The following GFRAL variants were observed in gnomAD, a reference collection of about 807,000 sequenced individuals.
GFRAL encodes GDNF family receptor alpha like.
GFRAL carries 36 observed loss-of-function variants against 45.4 expected under a neutral mutation model. The ratio of observed to expected loss-of-function variants is 0.79; its 90% CI spans 0.61 to 1.05. GFRAL has a LOEUF of 1.05. Among genes scored for constraint, GFRAL ranks in the 50% least tolerant of loss-of-function variants. The probability of loss-of-function intolerance (pLI) is 0.00; values close to 1 mark genes in which losing one functional copy is unlikely to be tolerated. For synonymous variants in GFRAL, 166 were observed against 154.1 expected (o/e 1.08, Z -0.57); for missense variants, 507 against 467.5 (o/e 1.08, Z -0.78).
chr6:55,391,743 A>T (rs76834236), intron 6 of GFRAL, among the ~76,000 whole-genome samples: 7,765 of 152,254 alleles, frequency 0.051, 328 homozygotes, highest in African/African-American at 0.099. Flanking sequence ...TATCTCAATA[A>T]AAAAGGATAA....
intron 7 of GFRAL, 33 bp from the exon 8 acceptor site, chr6:55,399,336 G>T (rs992285190): frequency 6.4e-7 from 1 of 1,560,782 alleles, no homozygotes; most frequent in South Asian, 1.1e-5. Context: ...AAAATCCAGT[G>T]ACTATTATTT....
chr6:55,329,309 G>T (rs1019813633), intron 1 of GFRAL, among the ~76,000 whole-genome samples: 1 of 151,868 alleles, frequency 6.6e-6, no homozygotes, highest in Admixed American at 6.6e-5. Flanking sequence ...GTGAAAGGAA[G>T]TAAAACATTA....
intron 3 of GFRAL, among the ~76,000 whole-genome samples, chr6:55,334,715 C>CGTTGTG (rs1767870666): frequency 3.3e-5 from 5 of 152,098 alleles, no homozygotes; most frequent in African/African-American, 1.2e-4. Context: ...TTCAACCATC[C>CGTTGTG]GTTGTGGGCT....
In GFRAL at chr6:55,368,985, C is replaced by T. The variant is rs534885997; in HGVS notation, c.952+9847C>T. ...TGGGCTCCACCCAGTTGGAGCTTCC[C>T]GGCTGCTTTGTTTACCTAAGCAAGC... On this transcript the variant is annotated intron_variant, in intron 6 of 8. Transcript: ENST00000340465. Among the ~76,000 whole-genome samples, 1,496 of 152,024 alleles carry T rather than the reference C, an allele frequency of 9.8e-3. 11 individuals carry two copies. The highest frequency in any genetic ancestry group is 0.031 in the Middle Eastern group (9 of 294).
intron 3 of GFRAL, among the ~76,000 whole-genome samples, chr6:55,336,397 T>G (rs1477077571): frequency 1.3e-5 from 2 of 152,214 alleles, no homozygotes; most frequent in African/African-American, 4.8e-5. Flanking sequence ...CTTCATTTAT[T>G]TATAACTTCA....
chr6:55,369,415 G>C (rs1021735232), intron 6 of GFRAL, among the ~76,000 whole-genome samples: 1 of 152,214 alleles, frequency 6.6e-6, no homozygotes, highest in African/African-American at 2.4e-5. Flanking sequence ...GCGTCGCTCA[G>C]GCTCGGAGCT....
At position 55,388,230 on chromosome 6, in the gene GFRAL, C is replaced by A. The variant is rs780872089; in HGVS notation, c.953-10950C>A. ...ACTGTAGACACATGCTAGTGTCTTTCAAAAAAAACTCAGTTGCAAAGGAGG... is the reference window on the plus strand; with the variant it reads ...ACTGTAGACACATGCTAGTGTCTTTAAAAAAAAACTCAGTTGCAAAGGAGG... On this transcript the variant is annotated intron_variant, in intron 6 of 8. Coordinates refer to ENST00000340465, the MANE Select transcript of GFRAL (RefSeq NM_207410.2). Among the ~76,000 whole-genome samples the A allele has an allele frequency of 9.9e-5, 15 of 151,974 alleles. No individual in the cohort carries two copies. The East Asian group carries it at 1.7e-3, about 18-fold the overall frequency.
At chr6:55,393,425 A>C (rs562182731) in intron 6 of GFRAL, among the ~76,000 whole-genome samples, 1 of 152,294 alleles carries the variant, frequency 6.6e-6, no homozygotes, top group Non-Finnish European at 1.5e-5. Flanking sequence ...TCTTCTAAAA[A>C]AGACGTTGAA....
At chr6:55,374,716 A>G (rs1397939188) in intron 6 of GFRAL, among the ~76,000 whole-genome samples, 1 of 152,086 alleles carries the variant, frequency 6.6e-6, no homozygotes, top group African/African-American at 2.4e-5. Flanking sequence ...TATATCCTGA[A>G]TGGTATTGCC....
chr6:55,367,192 GT>G (rs1768376634), intron 6 of GFRAL, among the ~76,000 whole-genome samples: 2 of 120,416 alleles, frequency 1.7e-5, no homozygotes, highest in Non-Finnish European at 3.4e-5. Context: ...TTACCATTAT[GT>G]AATGGCCTTC....
chr6:55,333,466 G>T (rs1206868930), intron 2 of GFRAL, among the ~76,000 whole-genome samples: 2 of 152,096 alleles, frequency 1.3e-5, no homozygotes, highest in African/African-American at 4.8e-5. Context: ...CTGACAAAAT[G>T]CTAAGATTAG....
chr6:55,375,036 T>C (rs1768505289), intron 6 of GFRAL, among the ~76,000 whole-genome samples: 1 of 152,174 alleles, frequency 6.6e-6, no homozygotes, highest in Non-Finnish European at 1.5e-5. Context: ...CCTCACAGTA[T>C]AGTTTGAAGT....
rs1381103649 is a variant in GFRAL at position 55,401,919 on chromosome 6, TCTCTCCTCTCCTCTCCTCTCTTCTC to T, written c.*75_*99del. The T allele has an allele frequency of 6.2e-6, 5 of 806,474 alleles. No individual in the cohort carries two copies. Among genetic ancestry groups the T allele is most frequent in the African/African-American group, 5.1e-5 (3 of 58,580 alleles). The allele number at this position is 806,474 out of a possible 1,614,324, so 50.0% of individuals were successfully genotyped here. On this transcript the variant is annotated 3_prime_UTR_variant, in exon 9 of 9. Transcript: ENST00000340465. ...CTGCTTTTCTTCTTTCCTCTTTTCT[TCTCTCCTCTCCTCTCCTCTCTTCTC>T]CTCTCCTCCCCTCCCCTCTCTGTTT...
chr6:55,366,419 G>T (rs1013689895), intron 6 of GFRAL, among the ~76,000 whole-genome samples: 1 of 146,022 alleles, frequency 6.8e-6, no homozygotes, highest in Non-Finnish European at 1.5e-5. Context: ...TTTTTGAAGG[G>T]TTTTTTGTGT....
At chr6:55,379,521 A>T (rs1406473465) in intron 6 of GFRAL, among the ~76,000 whole-genome samples, 6 of 151,550 alleles carry the variant, frequency 4.0e-5, no homozygotes, top group Non-Finnish European at 7.4e-5. Context: ...TATATTTTTT[A>T]AATTGATATA....
At chr6:55,365,047 A>G (rs373084255) in intron 6 of GFRAL, among the ~76,000 whole-genome samples, 4 of 149,742 alleles carry the variant, frequency 2.7e-5, no homozygotes, top group African/African-American at 7.4e-5. Context: ...CCATTTTCAC[A>G]ATATTGATTC....
intron 6 of GFRAL, among the ~76,000 whole-genome samples, chr6:55,390,594 A>G (rs181690749): frequency 2.7e-4 from 41 of 152,296 alleles, no homozygotes; most frequent in African/African-American, 9.4e-4. Context: ...CCTCCCATAG[A>G]AAGTAGTGCT....
intron 3 of GFRAL, among the ~76,000 whole-genome samples, chr6:55,345,200 G>A (rs1484886548): frequency 6.6e-6 from 1 of 152,054 alleles, no homozygotes. Flanking sequence ...ACTTTAAAAA[G>A]TTCATATGGA....
chr6:55,393,594 G>A (rs1768782927), intron 6 of GFRAL, among the ~76,000 whole-genome samples: 1 of 152,066 alleles, frequency 6.6e-6, no homozygotes, highest in Non-Finnish European at 1.5e-5. Context: ...GAGTGCTCCA[G>A]CAGTAAAGAA....
Sources: allele counts gnomAD v4.1 joint callset (sites outside exome capture counted in the v4.1 genomes callset), GRCh38; gene constraint gnomAD v4.1.1; transcripts MANE v1.5; gene names NCBI Gene and HGNC (gene_info 2026-07-23, HGNC 2026-07-21).